Variants in AKAP9 observed in about 807,000 individuals in gnomAD.
AKAP9 encodes the protein A-kinase anchoring protein 9, also known as A-kinase anchor protein 9.
Under a neutral mutation model 488.5 loss-of-function variants are expected in AKAP9, and 311 were observed. The ratio of observed to expected loss-of-function variants is 0.64; its 90% CI spans 0.58 to 0.70. AKAP9 has a LOEUF of 0.70. AKAP9 is among the 30% of genes least tolerant of loss of function. The pLI is 0.00. For missense variants in AKAP9, 4,215 were observed against 4,374.5 expected (o/e 0.96, Z 1.03); for synonymous variants, 1,462 against 1,483.5 (o/e 0.99, Z 0.33).
intron 1 of AKAP9, among the ~76,000 whole-genome samples, chr7:91,966,817 G>A (rs574813022): frequency 2.7e-4 from 41 of 152,052 alleles, no homozygotes; most frequent in Non-Finnish European, 3.2e-4. Context: ...GTGATCTTTT[G>A]TGGTTCTATC....
At chr7:92,033,444 T>G (rs75530071) in intron 16 of AKAP9, among the ~76,000 whole-genome samples, 1 of 55,998 alleles carries the variant, frequency 1.8e-5, no homozygotes, top group Non-Finnish European at 3.7e-5. Context: ...TTTCTTTTCT[T>G]TTTTTTTTTT....
chr7:92,077,846 C>T lies in AKAP9; in HGVS notation c.6916C>T (p.Gln2306Ter), dbSNP rs899419546. The T allele has an allele frequency of 1.9e-6, 3 of 1,613,142 alleles. No homozygotes were observed. In the African/African-American group the frequency reaches 4.0e-5, roughly 22 times the overall value. The change falls in exon 30 of 50, where the codon CAG (glutamine) becomes TAG (stop). Residue 2306 changes from glutamine to a stop codon, truncating the protein, a stop_gained. Coordinates refer to ENST00000356239, the MANE Select transcript of AKAP9 (RefSeq NM_005751.5). LOFTEE classifies it high-confidence loss of function. ...AAATGAACAAGTTACGAAACTCCAG[C>T]AGCAACTTAAAATTACAACAGATAA... ...QLNEQVTKLQQQLKITTDNKV... is the reference protein window; with the variant it reads ...QLNEQVTKLQ
intron 28 of AKAP9, among the ~76,000 whole-genome samples, chr7:92,073,058 T>C (rs1811980878): frequency 6.6e-6 from 1 of 152,130 alleles, no homozygotes. Flanking sequence ...TGAGAAGTGT[T>C]AAAGACTGCC....
At chr7:91,982,650 A>G (rs1796581591) in intron 3 of AKAP9, among the ~76,000 whole-genome samples, 1 of 152,222 alleles carries the variant, frequency 6.6e-6, no homozygotes, top group African/African-American at 2.4e-5. Flanking sequence ...CACGATAAAC[A>G]TACGTGTGCA....
intron 16 of AKAP9, among the ~76,000 whole-genome samples, chr7:92,033,442 C>CTTTTTTTTTT (rs35497475): frequency 1.8e-3 from 196 of 107,226 alleles, no homozygotes; most frequent in East Asian, 3.0e-3. Context: ...CTTTTCTTTT[C>CTTTTTTTTTT]TTTTTTTTTT....
rs566556311 is a variant in AKAP9 at position 92,013,268 on chromosome 7, G to A, written c.3532+626G>A. ...GGCCTCCCAAAGTGCTGGGATTACAGGCGTGAGCCACCGCGCCCGGCCGGG... is the reference window on the plus strand; with the variant it reads ...GGCCTCCCAAAGTGCTGGGATTACAAGCGTGAGCCACCGCGCCCGGCCGGG... On this transcript the variant is annotated intron_variant, in intron 9 of 49. Coordinates refer to ENST00000356239, the MANE Select transcript of AKAP9 (RefSeq NM_005751.5). 3.5e-3 allele frequency among the ~76,000 whole-genome samples: 535 copies of A among 152,048 alleles called. 4 individuals are homozygous for A. Among genetic ancestry groups the A allele is most frequent in the African/African-American group, 0.012 (506 of 41,480 alleles).
At chr7:91,998,455 T>TTA (rs1798700569) in intron 7 of AKAP9, among the ~76,000 whole-genome samples, 1 of 124,340 alleles carries the variant, frequency 8.0e-6, no homozygotes, top group Non-Finnish European at 1.6e-5. Flanking sequence ...TTTTTTTTTT[T>TTA]AGAATTCAGA....
intron 45 of AKAP9, among the ~76,000 whole-genome samples, chr7:92,102,069 T>C (rs1355140254): frequency 6.6e-6 from 1 of 151,694 alleles, no homozygotes; most frequent in Non-Finnish European, 1.5e-5. Context: ...GGCAGGAGAA[T>C]TGCTTGAATC....
At position 91,958,615 on chromosome 7, in the gene AKAP9, C is replaced by T. The variant is rs1471476947; in HGVS notation, c.49-15096C>T. Among the ~76,000 whole-genome samples, 4 of 152,044 alleles carry T rather than the reference C, an allele frequency of 2.6e-5. No homozygotes were observed. The South Asian group carries it at 8.3e-4, about 32-fold the overall frequency. Reference sequence around the variant, plus strand: ...AAAAATAGTGATATTAGCATATGGGCCCACGATAATTTTATTAGTAAATAT... The same window carrying T: ...AAAAATAGTGATATTAGCATATGGGTCCACGATAATTTTATTAGTAAATAT... On this transcript the variant is annotated intron_variant, in intron 1 of 49. Transcript: ENST00000356239.
chr7:92,038,354 T>C (rs979162309), intron 16 of AKAP9, 65 bp from the exon 17 acceptor site: 5 of 1,334,070 alleles, frequency 3.7e-6, no homozygotes, highest in Non-Finnish European at 5.3e-6. Context: ...AGTACTAATT[T>C]ACTTTTTAAA....
intron 14 of AKAP9, among the ~76,000 whole-genome samples, chr7:92,025,245 A>G (rs1420849563): frequency 2.0e-5 from 3 of 152,220 alleles, no homozygotes; most frequent in African/African-American, 7.2e-5. Flanking sequence ...AAGCATGAAG[A>G]AAAGAGAGGC....
rs1196424928 is a variant in AKAP9 at position 92,093,128 on chromosome 7, G to C, written c.9390G>C (p.Gln3130His). The stretch of plus-strand genomic sequence containing the variant: ...TGGAATATAATATACAGCAGAAGCA[G>C]TCTCAAATGCTGGAGATGCAAGTGG... ...ELLEYNIQQK[Q>H]SQMLEMQVEL... Residue 3130 changes from glutamine (Q) to histidine (H), a missense_variant, in exon 39 of 50, where the codon CAG becomes CAC. This residue lies in a region of AKAP9 where 1,476 missense variants were observed against 1,477.4 expected (regional missense o/e 1.00). Coordinates refer to ENST00000356239, the MANE Select transcript of AKAP9 (RefSeq NM_005751.5). The C allele has an allele frequency of 3.1e-6, 5 of 1,613,990 alleles. No individual in the cohort carries two copies. The highest frequency in any genetic ancestry group is 4.2e-6 in the Non-Finnish European group (5 of 1,179,992).
At position 92,083,287 on chromosome 7, in the gene AKAP9, G is replaced by A. The variant is rs758163975; in HGVS notation, c.8278G>A (p.Glu2760Lys). The change falls in exon 33 of 50, where the codon GAA (glutamate) becomes AAA (lysine). Residue 2760 changes from glutamate to lysine, a missense_variant. This residue lies in a region of AKAP9 where 1,476 missense variants were observed against 1,477.4 expected (regional missense o/e 1.00). Coordinates refer to ENST00000356239, the MANE Select transcript of AKAP9 (RefSeq NM_005751.5). ...LEKEDETEVQESKKACMFEPL... is the reference protein window; with the variant it reads ...LEKEDETEVQKSKKACMFEPL... ...AAAAGAAGATGAGACTGAGGTACAA[G>A]AAAGCAAAAAGGCCTGCATGTTTGA... 2 of 1,614,076 alleles carry A rather than the reference G, an allele frequency of 1.2e-6. No homozygotes were observed. The highest frequency in any genetic ancestry group is 2.7e-5 in the African/African-American group (2 of 75,038).
intron 31 of AKAP9, among the ~76,000 whole-genome samples, chr7:92,081,495 A>ATTTTT (rs1296911918): frequency 8.0e-5 from 8 of 100,446 alleles, no homozygotes; most frequent in South Asian, 3.3e-4. Context: ...ATATATATAT[A>ATTTTT]TATTTTTTTT....
rs747334264 is a variant in AKAP9, at chr7:92,105,782, AT to A, written c.11416+23del. 3.8e-6 allele frequency: 6 copies of A among 1,595,390 alleles called. No individual in the cohort carries two copies. The highest frequency in any genetic ancestry group is 1.7e-4 in the Middle Eastern group (1 of 5,936). ...AATCAAGGTGAAGTCAAAATAGCAT[AT>A]TTTCTTATGTTTATGACTCTCTAAA... On this transcript the variant is annotated intron_variant, in intron 47 of 49. Transcript: ENST00000356239.
At chr7:91,962,947 A>C (rs1793902169) in intron 1 of AKAP9, among the ~76,000 whole-genome samples, 1 of 152,170 alleles carries the variant, frequency 6.6e-6, no homozygotes, top group Admixed American at 6.5e-5. Flanking sequence ...TCTCAAACCA[A>C]ATTTTCACCT....
chr7:92,055,698 A>T (rs913934503), intron 22 of AKAP9, among the ~76,000 whole-genome samples: 5 of 152,028 alleles, frequency 3.3e-5, no homozygotes, highest in African/African-American at 4.8e-5. Context: ...TTTTGATTGC[A>T]AGAAGTTTTA....
intron 2 of AKAP9, among the ~76,000 whole-genome samples, chr7:91,977,715 G>A (rs1236087991): frequency 1.3e-5 from 2 of 152,032 alleles, no homozygotes; most frequent in African/African-American, 4.8e-5. Flanking sequence ...TATTAAAACT[G>A]GAATTTTAAA....
Position 92,033,898 on chromosome 7 carries a change from G to A in AKAP9, c.4338+2294G>A, listed in dbSNP as rs142955421. 2.0e-3 allele frequency among the ~76,000 whole-genome samples: 308 copies of A among 152,330 alleles called. 2 individuals carry two copies. In the East Asian group the frequency reaches 0.02, roughly 10 times the overall value. ...GTTAAGCAATGTTCTGGGTGCTGAAGTATAACAGAGAATAAAAGAGGATGA... is the reference window on the plus strand; with the variant it reads ...GTTAAGCAATGTTCTGGGTGCTGAAATATAACAGAGAATAAAAGAGGATGA... On this transcript the variant is annotated intron_variant, in intron 16 of 49. Transcript: ENST00000356239.
Sources: gnomAD v4.1 joint callset for allele counts (sites outside exome capture counted in the v4.1 genomes callset) on GRCh38, gnomAD v4.1.1 for gene constraint, gnomAD v4.1.1 regional missense constraint, MANE v1.5 for transcripts, NCBI Gene and HGNC (gene_info 2026-07-23, HGNC 2026-07-21) for gene names.